SCRG1: variants seen among roughly 807,000 people sequenced by gnomAD.
The protein encoded by SCRG1 is stimulator of chondrogenesis 1, also known as scrapie-responsive protein 1.
Under a neutral mutation model 7.7 loss-of-function variants are expected in SCRG1, and 3 were observed. That is an observed-to-expected ratio of 0.39 (90% confidence interval 0.18 to 1.01). The LOEUF (loss-of-function observed/expected upper bound fraction) is 1.01. SCRG1 is among the 50% of genes least tolerant of loss of function. The pLI is 0.36. For synonymous variants in SCRG1, 46 were observed against 41.2 expected, an observed-to-expected ratio of 1.12 and a Z score of -0.44; for missense variants, 110 against 117.2, an observed-to-expected ratio of 0.94 and a Z score of 0.28.
the SCRG1 span, among the ~76,000 whole-genome samples, chr4:173,466,166 T>G: frequency 6.6e-6 from 1 of 152,186 alleles, no homozygotes; most frequent in Non-Finnish European, 1.5e-5. Flanking sequence ...CGTGGCCAAA[T>G]GGAACAAGTT....
chr4:173,429,239 C>A, the SCRG1 span, among the ~76,000 whole-genome samples: 4 of 152,078 alleles, frequency 2.6e-5, no homozygotes, highest in African/African-American at 9.7e-5. Context: ...TTTCAAGGAA[C>A]CTTTCTAGTA....
At chr4:173,456,638 G>A in the SCRG1 span, among the ~76,000 whole-genome samples, 3 of 152,148 alleles carry the variant, frequency 2.0e-5, no homozygotes, top group Admixed American at 6.5e-5. Flanking sequence ...GAAAATCACA[G>A]AGGTCACAGG....
chr4:173,478,768 GGAA>G, the SCRG1 span, among the ~76,000 whole-genome samples: 5 of 152,088 alleles, frequency 3.3e-5, no homozygotes, highest in Non-Finnish European at 7.4e-5. Context: ...AAGCCACTGT[GGAA>G]GATGACGAAA....
At chr4:173,491,973 T>G in the SCRG1 span, among the ~76,000 whole-genome samples, 1 of 151,940 alleles carries the variant, frequency 6.6e-6, no homozygotes, top group Non-Finnish European at 1.5e-5. Flanking sequence ...CTACAATTTT[T>G]TTTTTTAATT....
At chr4:173,431,837 G>T in the SCRG1 span, among the ~76,000 whole-genome samples, 2 of 152,158 alleles carry the variant, frequency 1.3e-5, no homozygotes, top group South Asian at 2.1e-4. Flanking sequence ...CAGGTCTGTA[G>T]GTAATACATC....
the SCRG1 span, among the ~76,000 whole-genome samples, chr4:173,484,579 A>G: frequency 3.4e-4 from 31 of 90,702 alleles, 1 homozygote; most frequent in South Asian, 4.5e-3. Flanking sequence ...TATTTTATAT[A>G]TTATACATTA....
the SCRG1 span, among the ~76,000 whole-genome samples, chr4:173,451,626 CTTACTTATTTTAT>C: frequency 0.41 from 49,833 of 121,308 alleles, 10,047 homozygotes; most frequent in Non-Finnish European, 0.5. Flanking sequence ...TTTTATTTTA[CTTACTTATTTTAT>C]TTATTTATTT....
the SCRG1 span, among the ~76,000 whole-genome samples, chr4:173,451,660 T>G: frequency 6.8e-6 from 1 of 146,828 alleles, no homozygotes; most frequent in Non-Finnish European, 1.5e-5. Flanking sequence ...ATTTATTTAT[T>G]TATTTATTTA....
chr4:173,508,038 G>A, the SCRG1 span, among the ~76,000 whole-genome samples: 1 of 152,162 alleles, frequency 6.6e-6, no homozygotes, highest in African/African-American at 2.4e-5. This position sits in a 1 kb window ranked among gnomAD's most constrained non-coding sequence, Gnocchi z 4.4. Context: ...GATGGGTGGA[G>A]GGTGCAGTCC....
chr4:173,485,016 AATATATAATATATT>A, the SCRG1 span, among the ~76,000 whole-genome samples: 250 of 28,796 alleles, frequency 8.7e-3, 53 homozygotes, highest in African/African-American at 0.012. Flanking sequence ...TATAATATAT[AATATATAATATATT>A]ATATATTATA....
At chr4:173,416,708 G>C in the SCRG1 span, among the ~76,000 whole-genome samples, 1 of 152,120 alleles carries the variant, frequency 6.6e-6, no homozygotes, top group African/African-American at 2.4e-5. Context: ...GCTATCCCCC[G>C]GCTCCTGGGG....
At chr4:173,514,753 C>G in the SCRG1 span, among the ~76,000 whole-genome samples, 1 of 152,174 alleles carries the variant, frequency 6.6e-6, no homozygotes, top group Admixed American at 6.6e-5. Flanking sequence ...GGATAGAGCT[C>G]TTCAGGTCAT....
At chr4:173,394,975 T>C (rs747555637) in intron 1 of SCRG1, among the ~76,000 whole-genome samples, 1 of 151,828 alleles carries the variant, frequency 6.6e-6, no homozygotes, top group Non-Finnish European at 1.5e-5. Context: ...TAAAGATGTA[T>C]AGAGTATTTC....
intron 2 of SCRG1, 102 bp from the exon 3 acceptor site, chr4:173,388,497 T>C: frequency 1.3e-6 from 1 of 782,744 alleles, no homozygotes; most frequent in Admixed American, 2.7e-5. Context: ...ATTTCAGTTA[T>C]GATTATTCTT....
rs1183856702 is a variant in SCRG1, at chr4:173,386,356, G to A, written c.*1985C>T. On this transcript the variant is annotated 3_prime_UTR_variant, in exon 3 of 3. Coordinates refer to ENST00000296506, the MANE Select transcript of SCRG1 (RefSeq NM_007281.4). ...GTAGAGACGAGGTTTCACCGTATTAGCCAGGATGGTCTTGATCTCCTGACC... is the reference window on the plus strand; with the variant it reads ...GTAGAGACGAGGTTTCACCGTATTAACCAGGATGGTCTTGATCTCCTGACC... 6.9e-6 allele frequency: 1 copy of A among 144,692 alleles called. No homozygotes were observed. The highest frequency in any genetic ancestry group is 2.6e-5 in the African/African-American group (1 of 38,602). 9.0% of individuals were successfully genotyped at this position (144,692 alleles called of 1,614,324 possible). A position where few individuals can be genotyped will look rare whatever the true frequency, so the allele number is the denominator to read the frequency against.
At chr4:173,452,411 G>A in the SCRG1 span, among the ~76,000 whole-genome samples, 1 of 152,116 alleles carries the variant, frequency 6.6e-6, no homozygotes, top group Non-Finnish European at 1.5e-5. Context: ...GGTGGCAGAG[G>A]CAGAAGAAAA....
the SCRG1 span, among the ~76,000 whole-genome samples, chr4:173,466,856 T>A: frequency 6.6e-6 from 1 of 152,208 alleles, no homozygotes. Flanking sequence ...AAATGTTATG[T>A]TCATTTACTT....
the SCRG1 span, among the ~76,000 whole-genome samples, chr4:173,434,642 C>A: frequency 3.6e-4 from 55 of 152,222 alleles, no homozygotes; most frequent in Admixed American, 1.6e-3. Flanking sequence ...ACCATCCTGG[C>A]CAACATGATG....
chr4:173,497,302 G>C, the SCRG1 span, among the ~76,000 whole-genome samples: 3 of 152,050 alleles, frequency 2.0e-5, no homozygotes, highest in African/African-American at 7.2e-5. Flanking sequence ...AGGCTAGCTG[G>C]CCCATTCCCA....
Sources: allele counts gnomAD v4.1 joint callset (sites outside exome capture counted in the v4.1 genomes callset), GRCh38; gene constraint gnomAD v4.1.1; non-coding constraint Gnocchi (gnomAD v3.1); transcripts MANE v1.5; gene names NCBI Gene and HGNC (gene_info 2026-07-23, HGNC 2026-07-21).